Variants in PKIB observed in about 807,000 individuals in gnomAD.
PKIB encodes PKI-beta.
In PKIB, 2 loss-of-function variants were observed where a neutral mutation model predicts 4.5. That is an observed-to-expected ratio of 0.44 (90% CI 0.18 to 1.39). PKIB has a LOEUF of 1.39. Ranked by LOEUF, PKIB falls within the 40% of genes most tolerant of loss-of-function variation. PKIB has a pLI of 0.27. For missense variants in PKIB, 94 were observed against 92.6 expected, an observed-to-expected ratio of 1.02 and a Z score of -0.06; for synonymous variants, 38 against 36.0, an observed-to-expected ratio of 1.06 and a Z score of -0.20.
In PKIB at chr6:122,706,334, A is replaced by T. The variant is rs76559003; in HGVS notation, c.-8-11453A>T. ...TTTCCTTTAATATGCAACATATTCC[A>T]TCTGTACGATGAGTTCACAACTCTT... On this transcript the variant is annotated intron_variant, in intron 3 of 4. Transcript: ENST00000368452. Among the ~76,000 whole-genome samples, 60 of 152,324 alleles carry T rather than the reference A, an allele frequency of 3.9e-4. No individual in the cohort carries two copies. In the East Asian group the frequency reaches 7.3e-3, roughly 19 times the overall value.
chr6:122,505,273 T>C (rs1277017666), intron 2 of PKIB, among the ~76,000 whole-genome samples: 4 of 152,204 alleles, frequency 2.6e-5, no homozygotes, highest in Non-Finnish European at 5.9e-5. Context: ...GCTCTGAGCA[T>C]GGGAACATGA....
At chr6:122,723,971 G>A (rs368534539) in intron 4 of PKIB, among the ~76,000 whole-genome samples, 2 of 152,124 alleles carry the variant, frequency 1.3e-5, no homozygotes, top group African/African-American at 4.8e-5. Context: ...TGCCTTGTAC[G>A]TAGTACATGC....
At chr6:122,536,385 A>C (rs535318144) in intron 2 of PKIB, among the ~76,000 whole-genome samples, 19 of 152,326 alleles carry the variant, frequency 1.2e-4, no homozygotes, top group Middle Eastern at 3.4e-3. Flanking sequence ...CTCTAATATG[A>C]GTTCTAGCAA....
chr6:122,582,781 G>A (rs968437295), intron 2 of PKIB, among the ~76,000 whole-genome samples: 3 of 151,998 alleles, frequency 2.0e-5, no homozygotes, highest in Non-Finnish European at 2.9e-5. Flanking sequence ...GAGGCTCCAC[G>A]AGGTCAGGGA....
chr6:122,654,994 T>G (rs1376569480), intron 2 of PKIB, among the ~76,000 whole-genome samples: 1 of 152,164 alleles, frequency 6.6e-6, no homozygotes, highest in Non-Finnish European at 1.5e-5. Context: ...CATTTGTTTT[T>G]GAGACAGAAT....
intron 2 of PKIB, among the ~76,000 whole-genome samples, chr6:122,645,438 A>T (rs940398436): frequency 3.9e-5 from 6 of 152,216 alleles, no homozygotes; most frequent in African/African-American, 1.4e-4. Flanking sequence ...AATGATGTCA[A>T]CAGGAGGTTG....
At chr6:122,533,389 C>A (rs919594183) in intron 2 of PKIB, among the ~76,000 whole-genome samples, 2 of 152,104 alleles carry the variant, frequency 1.3e-5, no homozygotes. Context: ...AGGCTTGTGT[C>A]AAACTCCTGG....
intron 4 of PKIB, among the ~76,000 whole-genome samples, chr6:122,723,748 T>C (rs1010654972): frequency 1.3e-5 from 2 of 152,182 alleles, no homozygotes; most frequent in African/African-American, 4.8e-5. Flanking sequence ...TACTCAAATG[T>C]CCCCTTCTCA....
chr6:122,627,354 C>G (rs1775496557), intron 1 of PKIB, among the ~76,000 whole-genome samples: 2 of 152,106 alleles, frequency 1.3e-5, no homozygotes, highest in African/African-American at 4.8e-5. Context: ...CTTTTGTTGG[C>G]TTGTTTAAAT....
intron 2 of PKIB, among the ~76,000 whole-genome samples, chr6:122,548,736 T>C (rs928921221): frequency 2.0e-5 from 3 of 152,102 alleles, no homozygotes; most frequent in Admixed American, 6.5e-5. Context: ...CAGAATATAT[T>C]GAGTACAATT....
chr6:122,564,335 C>G (rs1045767596), intron 2 of PKIB, among the ~76,000 whole-genome samples: 2 of 152,178 alleles, frequency 1.3e-5, no homozygotes, highest in Non-Finnish European at 2.9e-5. Flanking sequence ...GAGCTGCACT[C>G]TAGTCCTGCC....
chr6:122,623,645 T>C (rs1775322978), intron 1 of PKIB, among the ~76,000 whole-genome samples: 1 of 152,162 alleles, frequency 6.6e-6, no homozygotes, highest in East Asian at 1.9e-4. Context: ...CTGTAGGATC[T>C]ACATTATTAA....
At chr6:122,613,272 A>G (rs1774838333) in intron 1 of PKIB, among the ~76,000 whole-genome samples, 1 of 152,246 alleles carries the variant, frequency 6.6e-6, no homozygotes, top group African/African-American at 2.4e-5. Flanking sequence ...TGAGTTAGAA[A>G]AAACAAAATT....
chr6:122,711,552 A>G (rs937782058), intron 3 of PKIB, among the ~76,000 whole-genome samples: 1 of 152,190 alleles, frequency 6.6e-6, no homozygotes, highest in Non-Finnish European at 1.5e-5. Flanking sequence ...TGGAGGATAC[A>G]TGTTGAATAA....
intron 3 of PKIB, among the ~76,000 whole-genome samples, chr6:122,678,160 A>G (rs920809417): frequency 6.6e-6 from 1 of 152,134 alleles, no homozygotes; most frequent in Non-Finnish European, 1.5e-5. Flanking sequence ...GGCCTCCCAA[A>G]GTGCTGGGAT....
Position 122,691,019 on chromosome 6 carries a change from C to T in PKIB, c.-9+15875C>T, listed in dbSNP as rs965282821. Reference sequence around the variant, plus strand: ...TTAAATATGGCATGCCACTCTCTCCCGGCCCTAAATTTTCCACTGAAAACC... The same window carrying T: ...TTAAATATGGCATGCCACTCTCTCCTGGCCCTAAATTTTCCACTGAAAACC... On this transcript the variant is annotated intron_variant, in intron 3 of 4. Coordinates refer to ENST00000368452, the MANE Select transcript of PKIB (RefSeq NM_181795.3). 1.1e-4 allele frequency among the ~76,000 whole-genome samples: 16 copies of T among 151,190 alleles called. 1 individual carries two copies. Among genetic ancestry groups the T allele is most frequent in the South Asian group, 6.3e-4 (3 of 4,788 alleles).
chr6:122,650,255 G>A (rs539487719), intron 2 of PKIB, among the ~76,000 whole-genome samples: 245 of 152,150 alleles, frequency 1.6e-3, no homozygotes, highest in African/African-American at 5.4e-3. Flanking sequence ...AAGTAGACGA[G>A]TAAATGAGAT....
chr6:122,622,885 G>A (rs1282588858), intron 1 of PKIB, among the ~76,000 whole-genome samples: 1 of 152,092 alleles, frequency 6.6e-6, no homozygotes, highest in East Asian at 1.9e-4. Flanking sequence ...ATGAACTTGG[G>A]GCAGGGCAGG....
intron 3 of PKIB, among the ~76,000 whole-genome samples, chr6:122,699,281 T>TAAAAAAAA (rs58796900): frequency 2.3e-4 from 34 of 150,560 alleles, no homozygotes; most frequent in Admixed American, 3.3e-4. Flanking sequence ...ATTTGTGAAC[T>TAAAAAAAA]AAAATATATA....
Sources: allele counts gnomAD v4.1 joint callset (sites outside exome capture counted in the v4.1 genomes callset), GRCh38; gene constraint gnomAD v4.1.1; transcripts MANE v1.5; gene names NCBI Gene and HGNC (gene_info 2026-07-23, HGNC 2026-07-21).